Variants in DOCK1 observed in about 807,000 individuals in gnomAD.
DOCK1 encodes dedicator of cytokinesis 1.
Under a neutral mutation model 262.7 loss-of-function variants are expected in DOCK1, and 138 were observed. That is an observed-to-expected ratio of 0.53 (90% CI 0.46 to 0.61). The LOEUF (loss-of-function observed/expected upper bound fraction) is 0.61, where lower values mean the gene tolerates loss of function less well. Among genes scored for constraint, DOCK1 ranks in the 20% least tolerant of loss-of-function variants. DOCK1 has a pLI of 0.00. For missense variants in DOCK1, 1,908 were observed against 2,370.7 expected (o/e 0.80, Z 4.05); for synonymous variants, 866 against 867.4 (o/e 1.00, Z 0.03).
intron 1 of DOCK1, among the ~76,000 whole-genome samples, chr10:126,957,301 G>T (rs2036823839): frequency 6.6e-6 from 1 of 152,110 alleles, no homozygotes; most frequent in Non-Finnish European, 1.5e-5. Flanking sequence ...ATGGACAGAG[G>T]TGTCACCCTT....
Position 127,235,755 on chromosome 10 carries a change from G to A in DOCK1, c.2848-12253G>A, listed in dbSNP as rs139281329. On this transcript the variant is annotated intron_variant, in intron 27 of 51. Coordinates refer to ENST00000623213, the MANE Select transcript of DOCK1 (RefSeq NM_001290223.2). ...CATTTTGCCTTCAGACCAGCAACAT[G>A]AGTTTCCATTGTTCTGCATCTTTGT... 8.6e-4 allele frequency among the ~76,000 whole-genome samples: 130 copies of A among 150,418 alleles called. 1 individual carries two copies. In the East Asian group the frequency reaches 0.025, roughly 29 times the overall value.
At chr10:127,110,145 T>G in intron 24 of DOCK1, 103 bp from the exon 25 acceptor site, 22 of 874,078 alleles carry the variant, frequency 2.5e-5, no homozygotes, top group Non-Finnish European at 3.7e-5. Flanking sequence ...AACATACTGG[T>G]GACATTAATG....
chr10:127,025,537 C>T (rs2042775270), intron 15 of DOCK1, among the ~76,000 whole-genome samples: 2 of 152,234 alleles, frequency 1.3e-5, no homozygotes, highest in South Asian at 2.1e-4. Context: ...ACCTCCACTT[C>T]CTGGGTTCAA....
chr10:126,934,214 G>A (rs1381259146), intron 1 of DOCK1, among the ~76,000 whole-genome samples: 1 of 151,916 alleles, frequency 6.6e-6, no homozygotes, highest in Admixed American at 6.6e-5. Flanking sequence ...TATTTCTATT[G>A]TCTTTAGTCT....
intron 5 of DOCK1, among the ~76,000 whole-genome samples, chr10:126,989,987 G>A (rs540206490): frequency 2.2e-4 from 34 of 152,258 alleles, no homozygotes; most frequent in Non-Finnish European, 3.5e-4. Context: ...GAGCGAGGCC[G>A]AGGAGTTCAG....
chr10:127,159,662 G>A (rs1055038082), intron 27 of DOCK1, among the ~76,000 whole-genome samples: 1 of 152,162 alleles, frequency 6.6e-6, no homozygotes, highest in Non-Finnish European at 1.5e-5. Context: ...ACAATTTGGG[G>A]TATACGTGTT....
At chr10:127,379,239 A>G (rs190130652) in intron 35 of DOCK1, among the ~76,000 whole-genome samples, 5 of 152,366 alleles carry the variant, frequency 3.3e-5, no homozygotes, top group East Asian at 1.9e-4. Flanking sequence ...CTTAAGAAAT[A>G]TAATTTTGAT....
intron 1 of DOCK1, among the ~76,000 whole-genome samples, chr10:126,915,959 CTT>C (rs1275556848): frequency 1.3e-5 from 2 of 152,126 alleles, no homozygotes; most frequent in Non-Finnish European, 2.9e-5. Context: ...TGAAATAACT[CTT>C]GTCTATGAGT....
intron 11 of DOCK1, among the ~76,000 whole-genome samples, chr10:127,010,644 T>C (rs7912111): frequency 0.29 from 43,659 of 152,058 alleles, 6,986 homozygotes; most frequent in African/African-American, 0.43. Flanking sequence ...TGTAGTCCCA[T>C]CCAGTGAGGA....
chr10:127,144,411 G>A (rs1592205676), intron 27 of DOCK1, among the ~76,000 whole-genome samples: 2 of 152,116 alleles, frequency 1.3e-5, no homozygotes, highest in South Asian at 4.1e-4. Context: ...TCTTCCCCCA[G>A]GTCTGTGAAC....
At chr10:127,024,340 CT>C (rs1425052931) in intron 14 of DOCK1, among the ~76,000 whole-genome samples, 1 of 152,146 alleles carries the variant, frequency 6.6e-6, no homozygotes, top group Non-Finnish European at 1.5e-5. Context: ...AGGGTTCCCA[CT>C]TTTTAGTCTA....
In DOCK1 at chr10:127,176,126, C is replaced by T; in HGVS notation, c.2847+48362C>T. On this transcript the variant is annotated intron_variant, in intron 27 of 51. Transcript: ENST00000623213. This position sits in a 1 kb window ranked among gnomAD's most constrained non-coding sequence, Gnocchi z 4.4. ...CGTTGGGGATGGACCTGCGTGCGGG[C>T]ACTGTCATGTATTTGCGGTAGGCTG... 1 of 1,614,106 alleles carries T rather than the reference C, an allele frequency of 6.2e-7. No individual in the cohort carries two copies. Among genetic ancestry groups the T allele is most frequent in the Non-Finnish European group, 8.5e-7 (1 of 1,180,024 alleles).
chr10:127,367,537 G>C (rs2064990122), intron 33 of DOCK1, among the ~76,000 whole-genome samples: 2 of 152,074 alleles, frequency 1.3e-5, no homozygotes, highest in African/African-American at 4.8e-5. Flanking sequence ...TCCACAAAAG[G>C]CTCCAGGCTG....
At chr10:127,067,958 G>GT (rs900868535) in intron 23 of DOCK1, among the ~76,000 whole-genome samples, 1 of 151,988 alleles carries the variant, frequency 6.6e-6, no homozygotes, top group Non-Finnish European at 1.5e-5. Flanking sequence ...GATGCAGAAG[G>GT]TTTGTCTTCC....
chr10:126,966,938 G>C (rs2037719726), intron 1 of DOCK1, among the ~76,000 whole-genome samples: 1 of 152,206 alleles, frequency 6.6e-6, no homozygotes, highest in African/African-American at 2.4e-5. Flanking sequence ...AGAAATTCAT[G>C]TGGACCTGAA....
chr10:126,945,330 G>T (rs1175054131), intron 1 of DOCK1, among the ~76,000 whole-genome samples: 2 of 152,040 alleles, frequency 1.3e-5, no homozygotes, highest in Non-Finnish European at 2.9e-5. Flanking sequence ...GAGGGTACTT[G>T]CATTTCCTTC....
rs562911073 is a variant in DOCK1, at chr10:127,352,430, G to A, written c.3225-2239G>A. Among the ~76,000 whole-genome samples, 7 of 152,178 alleles carry A rather than the reference G, an allele frequency of 4.6e-5. No individual in the cohort carries two copies. The East Asian group carries it at 1.2e-3, about 25-fold the overall frequency. ...AAGTCACTCCTGAATTACCCAAACCGCAAGTGGAAAATCCACTGCAGCTGA... is the reference window on the plus strand; with the variant it reads ...AAGTCACTCCTGAATTACCCAAACCACAAGTGGAAAATCCACTGCAGCTGA... On this transcript the variant is annotated intron_variant, in intron 31 of 51. Coordinates refer to ENST00000623213, the MANE Select transcript of DOCK1 (RefSeq NM_001290223.2).
At chr10:126,907,785 A>G (rs1217200804) in intron 1 of DOCK1, among the ~76,000 whole-genome samples, 1 of 152,198 alleles carries the variant, frequency 6.6e-6, no homozygotes, top group African/African-American at 2.4e-5. Flanking sequence ...CACACCTTCC[A>G]GAAGCTTCAC....
chr10:127,109,527 C>A (rs1033115386), intron 24 of DOCK1, among the ~76,000 whole-genome samples: 1 of 152,122 alleles, frequency 6.6e-6, no homozygotes, highest in Non-Finnish European at 1.5e-5. Context: ...TCCCAGTGTC[C>A]ATTTCTGGTC....
Sources: gnomAD v4.1 joint callset for allele counts (sites outside exome capture counted in the v4.1 genomes callset) on GRCh38, gnomAD v4.1.1 for gene constraint, Gnocchi (gnomAD v3.1) non-coding constraint, MANE v1.5 for transcripts, NCBI Gene and HGNC (gene_info 2026-07-23, HGNC 2026-07-21) for gene names.